The following DDX23 variants were observed in gnomAD, a reference collection of about 807,000 sequenced individuals.
The protein encoded by DDX23 is DEAD-box helicase 23.
Under a neutral mutation model 102.7 loss-of-function variants are expected in DDX23, and 33 were observed. The ratio of observed to expected loss-of-function variants is 0.32; its 90% CI spans 0.24 to 0.43. DDX23 has a LOEUF of 0.43. DDX23 is among the 20% of genes least tolerant of loss of function. The pLI is 1.00. For synonymous variants in DDX23, 352 were observed against 376.0 expected, an observed-to-expected ratio of 0.94 and a Z score of 0.74; for missense variants, 549 against 1,086.6, an observed-to-expected ratio of 0.51 and a Z score of 6.96.
chr12:48,845,779 C>A lies in DDX23; in HGVS notation c.4G>T (p.Ala2Ser). The A allele has an allele frequency of 6.2e-7, 1 of 1,614,036 alleles. No individual in the cohort carries two copies. Among genetic ancestry groups the A allele is most frequent in the Non-Finnish European group, 8.5e-7 (1 of 1,180,000 alleles). Reference sequence around the variant, plus strand: ...TCCTTTTTGTCAGCCAGCTCTCCTGCCATCTGTAATGAGTAGGAAGAGTAC... The same window carrying A: ...TCCTTTTTGTCAGCCAGCTCTCCTGACATCTGTAATGAGTAGGAAGAGTAC... M[A>S]GELADKKDRD... Residue 2 changes from alanine (A) to serine (S), a missense_variant, in exon 2 of 17, where the codon GCA becomes TCA. Coordinates refer to ENST00000308025, the MANE Select transcript of DDX23 (RefSeq NM_004818.3).
chr12:48,833,237 G>A (rs1217708285), intron 13 of DDX23, 40 bp downstream of exon 13: 1 of 1,611,568 alleles, frequency 6.2e-7, no homozygotes, highest in Non-Finnish European at 8.5e-7. Flanking sequence ...CACCCGCCTT[G>A]GCCTGTCCAA....
intron 12 of DDX23, among the ~76,000 whole-genome samples, chr12:48,833,875 A>T (rs112865853): frequency 0.012 from 1,787 of 152,214 alleles, 30 homozygotes; most frequent in African/African-American, 0.033. Flanking sequence ...AAATTTTTTT[A>T]AAAAATTGTA....
rs1485362140 is a variant in DDX23 at position 48,845,558 on chromosome 12, T to C, written c.209+16A>G. The C allele has an allele frequency of 1.2e-6, 2 of 1,613,924 alleles. No homozygotes were observed. Among genetic ancestry groups the C allele is most frequent in the Admixed American group, 1.7e-5 (1 of 60,008 alleles). ...TACTCTCCCTTCCCATGTAATAACA[T>C]ACAAAGTTACTTTACCTTTCTGCAG... On this transcript the variant is annotated intron_variant, in intron 2 of 16. Coordinates refer to ENST00000308025, the MANE Select transcript of DDX23 (RefSeq NM_004818.3).
Position 48,830,614 on chromosome 12 carries a change from G to C in DDX23, c.2318C>G (p.Ser773Cys), listed in dbSNP as rs752168495. Residue 773 changes from serine to cysteine, a missense_variant, in exon 17 of 17, where the codon TCT becomes TGT. By Grantham distance (112) the Ser-to-Cys change is moderately radical (BLOSUM62 -1). Coordinates refer to ENST00000308025, the MANE Select transcript of DDX23 (RefSeq NM_004818.3). The surrounding 1 kb of genome is among the most constrained non-coding windows in gnomAD (Gnocchi z 4.9). ...VAITFLTKEDSAVFYELKQAI... is the reference protein window; with the variant it reads ...VAITFLTKEDCAVFYELKQAI... ...TTGCTTCAGCTCGTAGAACACAGCA[G>C]AGTCCTCTTTTGTGAGGAAGGTGAT... 2.6e-5 allele frequency: 42 copies of C among 1,614,078 alleles called. 1 individual carries two copies. The South Asian group carries it at 4.1e-4, about 16-fold the overall frequency.
chr12:48,849,605 G>C (rs1938725592), intron 1 of DDX23, among the ~76,000 whole-genome samples: 1 of 151,826 alleles, frequency 6.6e-6, no homozygotes, highest in Non-Finnish European at 1.5e-5. Flanking sequence ...GTTGTTGTGA[G>C]CCGAGATAGT....
At position 48,830,343 on chromosome 12, in the gene DDX23, GTTGGA is replaced by G. The variant is rs1231846510; in HGVS notation, c.*121_*125del. ...CTGACCTGAGGGTCTGGGCTAGGGA[GTTGGA>G]TTGTTTTCCTAAGCCCCCATATCCC... On this transcript the variant is annotated 3_prime_UTR_variant, in exon 17 of 17. Coordinates refer to ENST00000308025, the MANE Select transcript of DDX23 (RefSeq NM_004818.3). This position sits in a 1 kb window ranked among gnomAD's most constrained non-coding sequence, Gnocchi z 4.9. The G allele has an allele frequency of 8.6e-7, 1 of 1,159,002 alleles. No individual in the cohort carries two copies. The highest frequency in any genetic ancestry group is 2.0e-5 in the Admixed American group (1 of 50,840). 71.8% of individuals were successfully genotyped at this position (1,159,002 alleles called of 1,614,324 possible). A position where few individuals can be genotyped will look rare whatever the true frequency, so the allele number is the denominator to read the frequency against.
At chr12:48,840,657 A>G (rs1334323384) in intron 3 of DDX23, among the ~76,000 whole-genome samples, 1 of 151,324 alleles carries the variant, frequency 6.6e-6, no homozygotes, top group Non-Finnish European at 1.5e-5. Flanking sequence ...GGTTCAAGAA[A>G]TTTTCCTGCC....
At position 48,830,250 on chromosome 12, in the gene DDX23, G is replaced by C. The variant is rs1293930108; in HGVS notation, c.*219C>G. ...AAGGGCAGAACTGGGCCAAGAAGCTGTGGTAATTTGCTCTCCCTGCCTCCG... is the reference window on the plus strand; with the variant it reads ...AAGGGCAGAACTGGGCCAAGAAGCTCTGGTAATTTGCTCTCCCTGCCTCCG... On this transcript the variant is annotated 3_prime_UTR_variant, in exon 17 of 17. Transcript: ENST00000308025. The surrounding 1 kb of genome is among the most constrained non-coding windows in gnomAD (Gnocchi z 4.9). The C allele has an allele frequency of 2.2e-5, 15 of 676,018 alleles. No individual in the cohort carries two copies. The East Asian group carries it at 4.4e-4, about 20-fold the overall frequency. 41.9% of individuals were successfully genotyped at this position (676,018 alleles called of 1,614,324 possible). A position where few individuals can be genotyped will look rare whatever the true frequency, so the allele number is the denominator to read the frequency against.
chr12:48,848,751 A>ATTT (rs71080156), intron 1 of DDX23, among the ~76,000 whole-genome samples: 3 of 133,758 alleles, frequency 2.2e-5, no homozygotes, highest in Non-Finnish European at 3.2e-5. Flanking sequence ...CACCTGACTA[A>ATTT]TTTTTTTTTT....
intron 1 of DDX23, among the ~76,000 whole-genome samples, chr12:48,851,108 C>T (rs1041798216): frequency 1.3e-5 from 2 of 152,088 alleles, no homozygotes; most frequent in East Asian, 3.8e-4. Flanking sequence ...ATCTACTGTA[C>T]GCAAGGCACA....
At position 48,833,334 on chromosome 12, in the gene DDX23, A is replaced by T; in HGVS notation, c.1746T>A (p.Ala582=). ...TGGCCAGCATCTTCTCAGGGTCCTC[A>T]GCCTCATCCGTGTCTGGCTTCTGGT... The part of the protein sequence containing the change: ...VSNQKPDTDE[A]EDPEKMLANF... The change falls in exon 13 of 17, where the codon GCT becomes GCA. Residue 582 remains alanine (A), a synonymous_variant. Transcript: ENST00000308025. 4 of 1,614,120 alleles carry T rather than the reference A, an allele frequency of 2.5e-6. No homozygotes were observed. The highest frequency in any genetic ancestry group is 3.4e-6 in the Non-Finnish European group (4 of 1,180,018).
rs1284405601 is a variant in DDX23 at position 48,845,616 on chromosome 12, C to T, written c.167G>A (p.Gly56Asp). Reference sequence around the variant, plus strand: ...ACGGGAACGAGAGCGAGAACGGCTGCCTCCTCGACGTCTATCCCTTGAACG... The same window carrying T: ...ACGGGAACGAGAGCGAGAACGGCTGTCTCCTCGACGTCTATCCCTTGAACG... ...RHRSRDRRRG[G>D]SRSRSRSRSK... The change falls in exon 2 of 17, where the codon GGC (glycine) becomes GAC (aspartate). Residue 56 changes from glycine to aspartate, a missense_variant. Gly to Asp is a moderately conservative substitution (Grantham distance 94, BLOSUM62 -1). Transcript: ENST00000308025. The T allele has an allele frequency of 1.2e-6, 2 of 1,614,246 alleles. No individual in the cohort carries two copies. Among genetic ancestry groups the T allele is most frequent in the South Asian group, 2.2e-5 (2 of 91,082 alleles).
At chr12:48,835,999 CAA>C in intron 11 of DDX23, 120 bp downstream of exon 11, 1 of 1,159,476 alleles carries the variant, frequency 8.6e-7, no homozygotes, top group Non-Finnish European at 1.2e-6. Context: ...CCCTAATATC[CAA>C]CAAAGAATAA....
chr12:48,835,183 T>C (rs1262110497), intron 11 of DDX23: 2 of 267,680 alleles, frequency 7.5e-6, no homozygotes, highest in South Asian at 3.4e-5. Context: ...CAACGGTTGC[T>C]GTAAGCCAAG....
At position 48,837,155 on chromosome 12, in the gene DDX23, G is replaced by A. The variant is rs1938477165; in HGVS notation, c.867-118C>T. ...GACAGGGTCTTTCTTCCACCAGAGG[G>A]CTGGCTGACTACCAGTCTACCAATT... On this transcript the variant is annotated intron_variant, in intron 8 of 16. Coordinates refer to ENST00000308025, the MANE Select transcript of DDX23 (RefSeq NM_004818.3). 3.9e-6 allele frequency: 6 copies of A among 1,549,522 alleles called. No individual in the cohort carries two copies. In the Admixed American group the frequency reaches 7.2e-5, roughly 19 times the overall value.
chr12:48,832,680 G>C lies in DDX23; in HGVS notation c.1804-107C>G. On this transcript the variant is annotated intron_variant, in intron 13 of 16. Coordinates refer to ENST00000308025, the MANE Select transcript of DDX23 (RefSeq NM_004818.3). The surrounding 1 kb of genome is among the most constrained non-coding windows in gnomAD (Gnocchi z 4.4). ...ACTAAAGAATCTAAAATGGGCCACA[G>C]TATAGGCTTTGATAGCCACCACCTT... The C allele has an allele frequency of 7.2e-7, 1 of 1,392,804 alleles. No homozygotes were observed. Among genetic ancestry groups the C allele is most frequent in the Non-Finnish European group, 9.6e-7 (1 of 1,042,108 alleles). The allele number at this position is 1,392,804 out of a possible 1,614,324, so 86.3% of individuals were successfully genotyped here. A position where few individuals can be genotyped will look rare whatever the true frequency, so the allele number is the denominator to read the frequency against.
In DDX23 at chr12:48,845,751, C is replaced by T. The variant is rs111734006; in HGVS notation, c.32G>A (p.Arg11His). 9.3e-6 allele frequency: 15 copies of T among 1,614,042 alleles called. No individual in the cohort carries two copies. Among genetic ancestry groups the T allele is most frequent in the Middle Eastern group, 1.6e-4 (1 of 6,084 alleles). The change falls in exon 2 of 17, where the codon CGT becomes CAT. Residue 11 changes from arginine to histidine, a missense_variant. Arg to His is a conservative substitution (Grantham distance 29). Coordinates refer to ENST00000308025, the MANE Select transcript of DDX23 (RefSeq NM_004818.3). MAGELADKKDRDASPSKEERK... is the reference protein window; with the variant it reads MAGELADKKDHDASPSKEERK... ...TTCCTCCTTGGAAGGTGATGCATCA[C>T]GGTCCTTTTTGTCAGCCAGCTCTCC...
intron 6 of DDX23, 91 bp downstream of exon 6, chr12:48,837,851 T>C: frequency 1.3e-6 from 2 of 1,575,520 alleles, no homozygotes; most frequent in Non-Finnish European, 1.7e-6. Context: ...AACTCCAGAG[T>C]GAACAGGTTT....
chr12:48,835,171 G>A (rs1319878630), intron 11 of DDX23: 1 of 270,884 alleles, frequency 3.7e-6, no homozygotes, highest in Non-Finnish European at 7.9e-6. Flanking sequence ...GAGCCTGGGA[G>A]GCAACGGTTG....
Sources: allele counts gnomAD v4.1 joint callset (sites outside exome capture counted in the v4.1 genomes callset), GRCh38; gene constraint gnomAD v4.1.1; non-coding constraint Gnocchi (gnomAD v3.1); transcripts MANE v1.5; gene names NCBI Gene and HGNC (gene_info 2026-07-23, HGNC 2026-07-21).